ZNF200: variants seen among roughly 807,000 people sequenced by gnomAD.
The protein encoded by ZNF200 is zinc finger protein 200.
ZNF200 carries 35 observed loss-of-function variants against 33.6 expected under a neutral mutation model. The ratio of observed to expected loss-of-function variants is 1.04; its 90% CI spans 0.80 to 1.38. The LOEUF is 1.38. Ranked by LOEUF, ZNF200 falls within the 40% of genes most tolerant of loss-of-function variation. The pLI is 0.00. For missense variants in ZNF200, 592 were observed against 470.6 expected, an observed-to-expected ratio of 1.26 and a Z score of -2.39; for synonymous variants, 209 against 167.7, an observed-to-expected ratio of 1.25 and a Z score of -1.90.
Position 3,223,830 on chromosome 16 carries a change from A to T in ZNF200, c.*62T>A, listed in dbSNP as rs992436908. ...CTTTTTAGGCAGCTTGGGAATTCAG[A>T]ACTACTTATGAAAGCTCTCAGGTTG... On this transcript the variant is annotated 3_prime_UTR_variant, in exon 5 of 5. Transcript: ENST00000414144. The T allele has an allele frequency of 1.3e-6, 2 of 1,520,510 alleles. No individual in the cohort carries two copies. The highest frequency in any genetic ancestry group is 2.8e-5 in the African/African-American group (2 of 71,844). 94.2% of individuals were successfully genotyped at this position (1,520,510 alleles called of 1,614,324 possible). A position where few individuals can be genotyped will look rare whatever the true frequency, so the allele number is the denominator to read the frequency against.
At chr16:3,233,429 A>G (rs781388857) in intron 2 of ZNF200, 77 bp downstream of exon 2, 30 of 1,472,748 alleles carry the variant, frequency 2.0e-5, no homozygotes, top group Non-Finnish European at 2.4e-5. Context: ...ACTTGAATTT[A>G]TAACTAACAC....
intron 2 of ZNF200, among the ~76,000 whole-genome samples, 166 bp from the exon 3 acceptor site, chr16:3,233,087 A>C (rs888667016): frequency 6.6e-6 from 1 of 152,158 alleles, no homozygotes; most frequent in African/African-American, 2.4e-5. Context: ...TAGGGTCTTG[A>C]ACCTATGGCA....
chr16:3,230,036 T>A (rs2238401), intron 4 of ZNF200, among the ~76,000 whole-genome samples: 3 of 151,980 alleles, frequency 2.0e-5, no homozygotes, highest in East Asian at 1.9e-4. Context: ...TGATGCCACC[T>A]CAAAATAATA....
In ZNF200 at chr16:3,224,041, T is replaced by C. The variant is rs752346440; in HGVS notation, c.1039A>G (p.Lys347Glu). ...AGATGAAGCACAAACTCCTCATTCT[T>C]TGGGAAGGTTTTCCCACATTCTGGA... is the stretch of plus-strand genomic sequence containing the variant. The part of the protein sequence containing the change: ...KCPECGKTFP[K>E]NEEFVLHLQS... The change falls in exon 5 of 5, where the codon AAG (lysine) becomes GAG (glutamate). Residue 347 changes from lysine to glutamate, a missense_variant. Lys to Glu is a moderately conservative substitution (Grantham distance 56). Coordinates refer to ENST00000414144, the MANE Select transcript of ZNF200 (RefSeq NM_198088.3). 6.2e-7 allele frequency: 1 copy of C among 1,614,224 alleles called. No homozygotes were observed. The highest frequency in any genetic ancestry group is 1.1e-5 in the South Asian group (1 of 91,084).
At position 3,223,797 on chromosome 16, in the gene ZNF200, A is replaced by T. The variant is rs879081757; in HGVS notation, c.*95T>A. 17 of 1,492,738 alleles carry T rather than the reference A, an allele frequency of 1.1e-5. No individual in the cohort carries two copies. The South Asian group carries it at 1.9e-4, about 17-fold the overall frequency. The allele number at this position is 1,492,738 out of a possible 1,614,324, so 92.5% of individuals were successfully genotyped here. ...TTTGGCAATAATGAGATTTTTACAC[A>T]TTTATACCTTTTTAGGCAGCTTGGG... is the stretch of plus-strand genomic sequence containing the variant. On this transcript the variant is annotated 3_prime_UTR_variant, in exon 5 of 5. Coordinates refer to ENST00000414144, the MANE Select transcript of ZNF200 (RefSeq NM_198088.3).
intron 4 of ZNF200, chr16:3,226,390 A>G (rs780840994): frequency 6.6e-6 from 1 of 152,172 alleles, no homozygotes; most frequent in Non-Finnish European, 1.5e-5. Flanking sequence ...TAGGATAATG[A>G]AATGTCAATT....
intron 4 of ZNF200, chr16:3,227,674 T>A (rs767357476): frequency 2.0e-5 from 3 of 152,252 alleles, no homozygotes; most frequent in Non-Finnish European, 4.4e-5. Context: ...CCTTTACTCG[T>A]ACTTCTCCCT....
chr16:3,233,664 A>G lies in ZNF200; in HGVS notation c.92T>C (p.Leu31Pro). Residue 31 changes from leucine (L) to proline (P), a missense_variant, in exon 2 of 5, where the codon CTA becomes CCA. Coordinates refer to ENST00000414144, the MANE Select transcript of ZNF200 (RefSeq NM_198088.3). ...GGGCCCGTTAGTGGCATCTCGAAGT[A>G]GGTCTTGGCCCAGCTTGGAGTCTGG... Reference protein sequence around the residue: ...VPPDSKLGQDLLRDATNGPKT... With the variant: ...VPPDSKLGQDPLRDATNGPKT... 6.2e-7 allele frequency: 1 copy of G among 1,613,936 alleles called. No homozygotes were observed. The highest frequency in any genetic ancestry group is 8.5e-7 in the Non-Finnish European group (1 of 1,179,986).
In ZNF200 at chr16:3,223,783, TGAG is replaced by T. The variant is rs1958390957; in HGVS notation, c.*106_*108del. On this transcript the variant is annotated 3_prime_UTR_variant, in exon 5 of 5. Coordinates refer to ENST00000414144, the MANE Select transcript of ZNF200 (RefSeq NM_198088.3). ...GGCATTTATCCAATTTTGGCAATAATGAGATTTTTACACATTTATACCTTTTTA... is the reference window on the plus strand; with the variant it reads ...GGCATTTATCCAATTTTGGCAATAATATTTTTACACATTTATACCTTTTTA... The T allele has an allele frequency of 7.0e-7, 1 of 1,424,980 alleles. No individual in the cohort carries two copies. The highest frequency in any genetic ancestry group is 9.3e-7 in the Non-Finnish European group (1 of 1,075,454). The allele number at this position is 1,424,980 out of a possible 1,614,324, so 88.3% of individuals were successfully genotyped here. A position where few individuals can be genotyped will look rare whatever the true frequency, so the allele number is the denominator to read the frequency against.
rs1225578733 is a variant in ZNF200 at position 3,222,432 on chromosome 16, T to C, written c.*1460A>G. 6.6e-6 allele frequency: 1 copy of C among 152,096 alleles called. No individual in the cohort carries two copies. Among genetic ancestry groups the C allele is most frequent in the East Asian group, 1.9e-4 (1 of 5,196 alleles). The allele number at this position is 152,096 out of a possible 1,614,324, so 9.4% of individuals were successfully genotyped here. A position where few individuals can be genotyped will look rare whatever the true frequency, so the allele number is the denominator to read the frequency against. The stretch of plus-strand genomic sequence containing the variant: ...AACAACAGTGAGATGACTATACAAA[T>C]ATATAATTAAAAATAACTTTCCCAT... On this transcript the variant is annotated 3_prime_UTR_variant, in exon 5 of 5. Transcript: ENST00000414144.
At chr16:3,232,992 G>C (rs1265473993) in intron 2 of ZNF200, 71 bp from the exon 3 acceptor site, 2 of 1,389,844 alleles carry the variant, frequency 1.4e-6, no homozygotes, top group Non-Finnish European at 2.0e-6. Context: ...CATACCGCGA[G>C]GCCAGGCTGT....
intron 4 of ZNF200, among the ~76,000 whole-genome samples, chr16:3,229,750 A>G (rs949793817): frequency 6.6e-6 from 1 of 152,164 alleles, no homozygotes; most frequent in East Asian, 1.9e-4. Flanking sequence ...CTGTAGTCCC[A>G]GCTACTCGGG....
Position 3,225,389 on chromosome 16 carries a change from G to A in ZNF200, c.467-776C>T, listed in dbSNP as rs572942584. On this transcript the variant is annotated intron_variant, in intron 4 of 4. Transcript: ENST00000414144. ...GAAACCGGAAGGCAGAGGTTGCAGT[G>A]AGCCGAGATCGCGCCATTGCACTCC... 223 of 152,822 alleles carry A rather than the reference G, an allele frequency of 1.5e-3. 1 individual carries two copies. The highest frequency in any genetic ancestry group is 4.6e-3 in the African/African-American group (193 of 41,576). 9.5% of individuals were successfully genotyped at this position (152,822 alleles called of 1,614,324 possible).
chr16:3,225,855 G>C (rs767859175), intron 4 of ZNF200: 1 of 151,322 alleles, frequency 6.6e-6, no homozygotes, highest in Non-Finnish European at 1.5e-5. Flanking sequence ...TGAAGCTGGA[G>C]TTGGAATCTC....
At position 3,224,415 on chromosome 16, in the gene ZNF200, A is replaced by G; in HGVS notation, c.665T>C (p.Ile222Thr). The G allele has an allele frequency of 1.9e-6, 3 of 1,614,204 alleles. No individual in the cohort carries two copies. The highest frequency in any genetic ancestry group is 2.5e-6 in the Non-Finnish European group (3 of 1,180,036). Residue 222 changes from isoleucine (I) to threonine (T), a missense_variant, in exon 5 of 5, where the codon ATT becomes ACT. Physicochemically the swap from Ile to Thr is moderately conservative, Grantham distance 89. Transcript: ENST00000414144. ...KRKMRNLLVTIENDTPLEELS... is the reference protein window; with the variant it reads ...KRKMRNLLVTTENDTPLEELS... ...TTCCTCTAGAGGAGTATCATTCTCA[A>G]TGGTAACTAACAGATTTCTCATTTT...
rs1421413120 is a variant in ZNF200, at chr16:3,232,896, A to G, written c.276T>C (p.Leu92=). ...GTTCCTTTTGGACTCCTTTGGGCAG[A>G]AGCTTCACCAAGGGACGAGGATGCA... ...NRVHPRPLVK[L]LPKGVQKEQE... Residue 92 remains leucine (L), a synonymous_variant, in exon 3 of 5, where the codon CTT becomes CTC. Coordinates refer to ENST00000414144, the MANE Select transcript of ZNF200 (RefSeq NM_198088.3). 15 of 1,613,842 alleles carry G rather than the reference A, an allele frequency of 9.3e-6. No individual in the cohort carries two copies. The highest frequency in any genetic ancestry group is 1.3e-5 in the Non-Finnish European group (15 of 1,179,832).
rs765774396 is a variant in ZNF200 at position 3,223,948 on chromosome 16, T to C, written c.1132A>G (p.Asn378Asp). 7 of 1,614,012 alleles carry C rather than the reference T, an allele frequency of 4.3e-6. No individual in the cohort carries two copies. The highest frequency in any genetic ancestry group is 2.2e-5 in the East Asian group (1 of 44,894). The part of the protein sequence containing the change: ...KCGRRFGRLS[N>D]CTRHEKTHSA... ...TGGGTTTTCTCATGCCGGGTACAGTTTGACAGCCGACCAAATCTTCTCCCA... is the reference window on the plus strand; with the variant it reads ...TGGGTTTTCTCATGCCGGGTACAGTCTGACAGCCGACCAAATCTTCTCCCA... The change falls in exon 5 of 5, where the codon AAC becomes GAC. Residue 378 changes from asparagine (N) to aspartate (D), a missense_variant. Coordinates refer to ENST00000414144, the MANE Select transcript of ZNF200 (RefSeq NM_198088.3).
At chr16:3,229,931 A>C (rs1958591377) in intron 4 of ZNF200, among the ~76,000 whole-genome samples, 1 of 152,198 alleles carries the variant, frequency 6.6e-6, no homozygotes, top group African/African-American at 2.4e-5. Flanking sequence ...AAAATAAATA[A>C]ATAAATAAAG....
At chr16:3,230,167 T>C (rs1279364460) in intron 4 of ZNF200, among the ~76,000 whole-genome samples, 1 of 152,240 alleles carries the variant, frequency 6.6e-6, no homozygotes, top group East Asian at 1.9e-4. Context: ...ATGAGTAGTT[T>C]CTTGAAGCCC....
Sources: allele counts gnomAD v4.1 joint callset (sites outside exome capture counted in the v4.1 genomes callset), GRCh38; gene constraint gnomAD v4.1.1; transcripts MANE v1.5; gene names NCBI Gene and HGNC (gene_info 2026-07-23, HGNC 2026-07-21).